ALKAL1: variants seen among roughly 807,000 people sequenced by gnomAD.
ALKAL1 encodes the protein AUG-beta.
ALKAL1 carries 23 observed loss-of-function variants against 13.5 expected under a neutral mutation model. That is an observed-to-expected ratio of 1.70 (90% CI 1.23 to 2.41). The LOEUF (loss-of-function observed/expected upper bound fraction) is 2.41. Among genes scored for constraint, ALKAL1 ranks in the 30% most tolerant of loss-of-function variants. ALKAL1 has a pLI of 0.00. For synonymous variants in ALKAL1, 85 were observed against 77.7 expected (o/e 1.09, Z -0.49); for missense variants, 181 against 178.4 (o/e 1.01, Z -0.08).
chr8:52,564,843 A>G (rs1373801375), intron 1 of ALKAL1, among the ~76,000 whole-genome samples: 1 of 152,184 alleles, frequency 6.6e-6, no homozygotes, highest in African/African-American at 2.4e-5. Context: ...AGGGACATAG[A>G]AAGCTGATCC....
At chr8:52,542,198 G>A (rs1275934450) in intron 2 of ALKAL1, among the ~76,000 whole-genome samples, 194 bp downstream of exon 2, 2 of 152,116 alleles carry the variant, frequency 1.3e-5, no homozygotes, top group Non-Finnish European at 2.9e-5. Context: ...TTAAAAAGTG[G>A]CTCATACTTC....
At chr8:52,559,324 C>T (rs906561728) in intron 1 of ALKAL1, among the ~76,000 whole-genome samples, 1 of 152,086 alleles carries the variant, frequency 6.6e-6, no homozygotes. Flanking sequence ...CACACTGGAA[C>T]GTATAGCTGT....
chr8:52,561,145 A>C (rs1847546431), intron 1 of ALKAL1, among the ~76,000 whole-genome samples: 1 of 152,194 alleles, frequency 6.6e-6, no homozygotes. Flanking sequence ...TTTATTATTT[A>C]TGTGAAATAA....
intron 2 of ALKAL1, among the ~76,000 whole-genome samples, chr8:52,540,926 G>A (rs1202684467): frequency 6.6e-6 from 1 of 152,116 alleles, no homozygotes; most frequent in Non-Finnish European, 1.5e-5. Flanking sequence ...TTAATAAACA[G>A]GTAGGGCCCT....
intron 1 of ALKAL1, among the ~76,000 whole-genome samples, chr8:52,555,487 G>A (rs1291144497): frequency 1.3e-5 from 2 of 152,160 alleles, no homozygotes; most frequent in East Asian, 3.8e-4. Flanking sequence ...TTCTGTAGCT[G>A]AGATAGGCAG....
chr8:52,562,179 C>T (rs1036142275), intron 1 of ALKAL1, among the ~76,000 whole-genome samples: 1 of 152,108 alleles, frequency 6.6e-6, no homozygotes, highest in Non-Finnish European at 1.5e-5. Context: ...GCGAAGGTTA[C>T]TGGGAATTCT....
intron 1 of ALKAL1, among the ~76,000 whole-genome samples, chr8:52,564,689 T>C (rs911011900): frequency 6.6e-6 from 1 of 152,146 alleles, no homozygotes; most frequent in African/African-American, 2.4e-5. Context: ...CAATCTTAGT[T>C]AATTCTCAAA....
chr8:52,534,808 T>C (rs1264274314), intron 4 of ALKAL1, among the ~76,000 whole-genome samples: 5 of 152,178 alleles, frequency 3.3e-5, no homozygotes, highest in Admixed American at 2.6e-4. Context: ...GATTTTTCCC[T>C]TAAAGATTTA....
At chr8:52,563,769 C>T (rs1394498142) in intron 1 of ALKAL1, among the ~76,000 whole-genome samples, 4 of 152,146 alleles carry the variant, frequency 2.6e-5, no homozygotes, top group Admixed American at 2.0e-4. Context: ...AGGCTCTGCC[C>T]GGGTTGTCCA....
At chr8:52,541,962 G>A (rs140358445) in intron 2 of ALKAL1, among the ~76,000 whole-genome samples, 32 of 151,892 alleles carry the variant, frequency 2.1e-4, no homozygotes, top group African/African-American at 7.0e-4. Flanking sequence ...ATTTGACCAG[G>A]GCCAAATACG....
At chr8:52,541,362 C>T (rs540536036) in intron 2 of ALKAL1, among the ~76,000 whole-genome samples, 4 of 152,084 alleles carry the variant, frequency 2.6e-5, no homozygotes, top group African/African-American at 4.8e-5. Flanking sequence ...CCAGCTGCTT[C>T]GGAGGCTGAG....
Position 52,534,314 on chromosome 8 carries a change from A to T in ALKAL1, c.*299T>A. ...ATTAGAATGTTAACCATATAAAGAA[A>T]ATAATATATCTAGTAAAAATAAAAT... On this transcript the variant is annotated 3_prime_UTR_variant, in exon 5 of 5. Transcript: ENST00000358543. The T allele has an allele frequency of 3.9e-6, 1 of 254,234 alleles. No homozygotes were observed. The highest frequency in any genetic ancestry group is 7.3e-6 in the Non-Finnish European group (1 of 136,362). The allele number at this position is 254,234 out of a possible 1,614,324, so 15.7% of individuals were successfully genotyped here.
chr8:52,534,651 A>G, intron 4 of ALKAL1, 51 bp from the exon 5 acceptor site: 1 of 539,228 alleles, frequency 1.9e-6, no homozygotes, highest in Non-Finnish European at 3.2e-6. Context: ...TTTTTAGAAT[A>G]CTTATAAATA....
chr8:52,534,652 C>G (rs1847250020), intron 4 of ALKAL1, 52 bp from the exon 5 acceptor site: 1 of 537,038 alleles, frequency 1.9e-6, no homozygotes. Flanking sequence ...TTTTAGAATA[C>G]TTATAAATAT....
At chr8:52,542,340 C>T in intron 2 of ALKAL1, 52 bp downstream of exon 2, 1 of 1,203,494 alleles carries the variant, frequency 8.3e-7, no homozygotes, top group Admixed American at 2.0e-5. Flanking sequence ...TAGTATTCTG[C>T]ACACAGTCTT....
intron 1 of ALKAL1, among the ~76,000 whole-genome samples, chr8:52,559,017 G>C (rs547699077): frequency 6.6e-6 from 1 of 152,142 alleles, no homozygotes; most frequent in African/African-American, 2.4e-5. Flanking sequence ...GCAGGGGAGG[G>C]GCCAGGCTCT....
At position 52,548,521 on chromosome 8, in the gene ALKAL1, G is replaced by A. The variant is rs566873285; in HGVS notation, c.191-6076C>T. ...GGATATTGAATGTTCCCAACACAAAGAAATGATAATTGTTTGAGATGGATA... is the reference window on the plus strand; with the variant it reads ...GGATATTGAATGTTCCCAACACAAAAAAATGATAATTGTTTGAGATGGATA... On this transcript the variant is annotated intron_variant, in intron 1 of 4. Transcript: ENST00000358543. Among the ~76,000 whole-genome samples, 12 of 152,196 alleles carry A rather than the reference G, an allele frequency of 7.9e-5. No individual in the cohort carries two copies. In the East Asian group the frequency reaches 2.1e-3, roughly 27 times the overall value.
At position 52,553,246 on chromosome 8, in the gene ALKAL1, G is replaced by A. The variant is rs563240896; in HGVS notation, c.191-10801C>T. ...GACTGTGGTCCATGCTATTTGGGAG[G>A]CTGAGGCAGAAGGATCCCTTGAGCC... is the stretch of plus-strand genomic sequence containing the variant. On this transcript the variant is annotated intron_variant, in intron 1 of 4. Coordinates refer to ENST00000358543, the MANE Select transcript of ALKAL1 (RefSeq NM_207413.4). 1.2e-3 allele frequency among the ~76,000 whole-genome samples: 180 copies of A among 152,212 alleles called. 2 individuals are homozygous for A. The highest frequency in any genetic ancestry group is 4.2e-3 in the African/African-American group (175 of 41,532).
intron 4 of ALKAL1, among the ~76,000 whole-genome samples, chr8:52,537,234 C>T (rs1454412970): frequency 1.3e-5 from 2 of 152,168 alleles, no homozygotes; most frequent in African/African-American, 4.8e-5. Flanking sequence ...CTAAACATCA[C>T]TAATCATCAG....
Sources: gnomAD v4.1 joint callset for allele counts (sites outside exome capture counted in the v4.1 genomes callset) on GRCh38, gnomAD v4.1.1 for gene constraint, MANE v1.5 for transcripts, NCBI Gene and HGNC (gene_info 2026-07-23, HGNC 2026-07-21) for gene names.